TMEM131L: variants seen among roughly 807,000 people sequenced by gnomAD.
TMEM131L encodes transmembrane 131 like, also known as transmembrane protein 131-like.
In TMEM131L, 54 loss-of-function variants were observed where a neutral mutation model predicts 192.2. The ratio of observed to expected loss-of-function variants is 0.28; its 90% CI spans 0.23 to 0.35. The LOEUF (loss-of-function observed/expected upper bound fraction) is 0.35, where lower values mean the gene tolerates loss of function less well. TMEM131L is among the 10% of genes least tolerant of loss of function. TMEM131L has a pLI of 1.00. For synonymous variants in TMEM131L, 701 were observed against 704.9 expected (o/e 0.99, Z 0.09); for missense variants, 1,888 against 1,972.9 (o/e 0.96, Z 0.82).
chr4:153,537,937 C>G (rs1269786477), intron 3 of TMEM131L, among the ~76,000 whole-genome samples: 2 of 152,164 alleles, frequency 1.3e-5, no homozygotes, highest in African/African-American at 4.8e-5. Context: ...ATGCAACTTT[C>G]CCTGATTTTT....
At chr4:153,488,421 C>T (rs867809885) in intron 3 of TMEM131L, among the ~76,000 whole-genome samples, 10 of 152,092 alleles carry the variant, frequency 6.6e-5, no homozygotes, top group Admixed American at 3.3e-4. Flanking sequence ...GAGTGGGGAC[C>T]GGGCCCTGGT....
At chr4:153,544,116 T>G in intron 3 of TMEM131L, among the ~76,000 whole-genome samples, 1 of 151,786 alleles carries the variant, frequency 6.6e-6, no homozygotes, top group Non-Finnish European at 1.5e-5. Context: ...ACACCCACTG[T>G]CCTTTCAGGT....
chr4:153,598,771 G>C, intron 21 of TMEM131L, 39 bp downstream of exon 21: 1 of 1,470,108 alleles, frequency 6.8e-7, no homozygotes, highest in Admixed American at 2.1e-5. Context: ...GGGGAGGTTG[G>C]CATTAAAGCT....
intron 19 of TMEM131L, among the ~76,000 whole-genome samples, chr4:153,596,050 G>A (rs940083131): frequency 6.6e-6 from 1 of 152,160 alleles, no homozygotes; most frequent in African/African-American, 2.4e-5. Context: ...AGGTTGTCTT[G>A]TAGTCTCTGC....
intron 13 of TMEM131L, 142 bp downstream of exon 13, chr4:153,585,753 TA>T: frequency 2.0e-6 from 1 of 512,794 alleles, no homozygotes; most frequent in Non-Finnish European, 3.0e-6. Context: ...TTATGATTTT[TA>T]AAACATGTAT....
chr4:153,582,430 GTTGT>G (rs1730415440), intron 9 of TMEM131L, among the ~76,000 whole-genome samples: 2 of 38,534 alleles, frequency 5.2e-5, no homozygotes, highest in African/African-American at 1.6e-4. Context: ...GTTTTTTTTT[GTTGT>G]TTTTTTTTTT....
intron 25 of TMEM131L, among the ~76,000 whole-genome samples, chr4:153,605,246 A>G (rs1239989400): frequency 6.6e-6 from 1 of 152,180 alleles, no homozygotes; most frequent in Admixed American, 6.5e-5. Context: ...TCCATTGGGA[A>G]TTGTCATTAT....
At chr4:153,627,738 C>G (rs1276752506) in intron 31 of TMEM131L, 51 bp downstream of exon 31, 1 of 1,458,388 alleles carries the variant, frequency 6.9e-7, no homozygotes, top group Non-Finnish European at 9.6e-7. Context: ...TCTGTGCTGT[C>G]TGTATTCCTG....
rs548593990 is a variant in TMEM131L, at chr4:153,495,226, A to G, written c.239+21338A>G. Among the ~76,000 whole-genome samples the G allele has an allele frequency of 1.7e-3, 261 of 152,180 alleles. 1 individual carries two copies. The highest frequency in any genetic ancestry group is 6.0e-3 in the African/African-American group (248 of 41,516). On this transcript the variant is annotated intron_variant, in intron 3 of 34. Coordinates refer to ENST00000409959, the MANE Select transcript of TMEM131L (RefSeq NM_001131007.2). The stretch of plus-strand genomic sequence containing the variant: ...GCTACTCAGGAGGCTCTGAGGTAGG[A>G]GAATTGCTTGAACCTGGGAGGCATC...
chr4:153,525,742 A>G (rs1735422848), intron 3 of TMEM131L, among the ~76,000 whole-genome samples: 1 of 152,138 alleles, frequency 6.6e-6, no homozygotes, highest in Non-Finnish European at 1.5e-5. Context: ...TCTTCTCTGT[A>G]TCAGTGTTTT....
chr4:153,590,355 G>A (rs1730984390), intron 16 of TMEM131L, among the ~76,000 whole-genome samples: 1 of 152,176 alleles, frequency 6.6e-6, no homozygotes, highest in Non-Finnish European at 1.5e-5. Context: ...TTGAACTTGT[G>A]TCTGTATTAT....
At chr4:153,516,052 C>T (rs773282700) in intron 3 of TMEM131L, among the ~76,000 whole-genome samples, 21 of 151,732 alleles carry the variant, frequency 1.4e-4, no homozygotes, top group Admixed American at 4.6e-4. Flanking sequence ...CCCATTTTTA[C>T]GTTAGATTAA....
chr4:153,544,040 A>C (rs1425852033), intron 3 of TMEM131L, among the ~76,000 whole-genome samples: 1 of 151,392 alleles, frequency 6.6e-6, no homozygotes, highest in Non-Finnish European at 1.5e-5. Context: ...TTGTCCATGC[A>C]ACCTTTTGCC....
chr4:153,557,003 T>C lies in TMEM131L; in HGVS notation c.470T>C (p.Ile157Thr), dbSNP rs1242519196. 1.9e-6 allele frequency: 3 copies of C among 1,602,662 alleles called. No homozygotes were observed. The Admixed American group carries it at 5.0e-5, about 27-fold the overall frequency. Residue 157 changes from isoleucine (I) to threonine (T), a missense_variant, in exon 6 of 35, where the codon ATT becomes ACT. Physicochemically the swap from Ile to Thr is moderately conservative, Grantham distance 89. Coordinates refer to ENST00000409959, the MANE Select transcript of TMEM131L (RefSeq NM_001131007.2). ...PAMGKTSFRIIFLPTEEGSIE... is the reference protein window; with the variant it reads ...PAMGKTSFRITFLPTEEGSIE... ...ATGGGGAAAACTTCCTTCAGAATTA[T>C]TTTCTTACCTACTGAAGAAGGAAGC...
At chr4:153,487,607 T>G (rs1196523817) in intron 3 of TMEM131L, among the ~76,000 whole-genome samples, 1 of 152,010 alleles carries the variant, frequency 6.6e-6, no homozygotes, top group Non-Finnish European at 1.5e-5. Flanking sequence ...GTCTCAGTTG[T>G]TGGATGGGAG....
intron 7 of TMEM131L, among the ~76,000 whole-genome samples, chr4:153,573,317 C>G (rs375201841): frequency 6.6e-6 from 1 of 152,238 alleles, no homozygotes; most frequent in African/African-American, 2.4e-5. Context: ...CAAGGTCAAG[C>G]GACGGCAGCC....
At chr4:153,520,453 A>C (rs1304086840) in intron 3 of TMEM131L, among the ~76,000 whole-genome samples, 2 of 152,176 alleles carry the variant, frequency 1.3e-5, no homozygotes, top group Non-Finnish European at 2.9e-5. Context: ...TGGGCAACAG[A>C]GTGAGATCCT....
At position 153,636,557 on chromosome 4, in the gene TMEM131L, G is replaced by A; in HGVS notation, c.4814G>A (p.Ser1605Asn). The change falls in exon 35 of 35, where the codon AGT becomes AAT. Residue 1605 changes from serine (S) to asparagine (N), a missense_variant. Ser to Asn is a conservative substitution (Grantham distance 46). Coordinates refer to ENST00000409959, the MANE Select transcript of TMEM131L (RefSeq NM_001131007.2). ...NANFPLSRDS[S>N]YCGNV ...AATTTCCCACTGTCTAGAGACTCGA[G>A]TTACTGTGGGAATGTGTGAAAATAA... is the stretch of plus-strand genomic sequence containing the variant. 1 of 1,613,304 alleles carries A rather than the reference G, an allele frequency of 6.2e-7. No individual in the cohort carries two copies. Among genetic ancestry groups the A allele is most frequent in the East Asian group, 2.2e-5 (1 of 44,872 alleles).
At chr4:153,617,569 T>G (rs1015246562) in intron 26 of TMEM131L, among the ~76,000 whole-genome samples, 14 of 152,196 alleles carry the variant, frequency 9.2e-5, no homozygotes, top group African/African-American at 3.4e-4. Context: ...TTTTCCTTCA[T>G]TTTTTGTAGA....
Sources: gnomAD v4.1 joint callset for allele counts (sites outside exome capture counted in the v4.1 genomes callset) on GRCh38, gnomAD v4.1.1 for gene constraint, MANE v1.5 for transcripts, NCBI Gene and HGNC (gene_info 2026-07-23, HGNC 2026-07-21) for gene names.